Variants in MTAP observed in about 807,000 individuals in gnomAD.
MTAP encodes the protein methylthioadenosine phosphorylase.
In MTAP, 33 loss-of-function variants were observed where a neutral mutation model predicts 33.6. The observed-to-expected ratio is 0.98, with a 90% confidence interval of 0.74 to 1.31. MTAP has a LOEUF of 1.31. Among genes scored for constraint, MTAP ranks in the 40% most tolerant of loss-of-function variants. The probability of loss-of-function intolerance (pLI) is 0.00; values close to 1 mark genes in which losing one functional copy is unlikely to be tolerated. For synonymous variants in MTAP, 148 were observed against 125.7 expected (o/e 1.18, Z -1.19); for missense variants, 367 against 360.0 (o/e 1.02, Z -0.16).
chr9:21,930,046 A>G (rs1818931836), intron 1 of MTAP: 2 of 419,976 alleles, frequency 4.8e-6, no homozygotes, highest in South Asian at 2.0e-5. Context: ...AGCAATGCCC[A>G]AGCTCATGCA....
intron 1 of MTAP, among the ~76,000 whole-genome samples, chr9:21,891,541 T>C (rs1040531936): frequency 1.3e-5 from 2 of 152,040 alleles, no homozygotes; most frequent in African/African-American, 2.4e-5. Context: ...GGAAATAAAC[T>C]CAGAGCTTGA....
intron 1 of MTAP, chr9:21,814,001 A>G (rs1262274342): frequency 5.3e-5 from 8 of 152,250 alleles, no homozygotes; most frequent in Non-Finnish European, 1.2e-4. Flanking sequence ...TCGTTGACAT[A>G]AAAGTATGTT....
At chr9:21,929,755 A>C in intron 1 of MTAP, 1 of 218,510 alleles carries the variant, frequency 4.6e-6, no homozygotes, top group Non-Finnish European at 9.5e-6. Flanking sequence ...AGCAGTATTT[A>C]CTTGACATCC....
intron 7 of MTAP, chr9:21,861,315 A>G (rs940436440): frequency 1.3e-5 from 2 of 152,112 alleles, no homozygotes; most frequent in Middle Eastern, 3.2e-3. Flanking sequence ...AGGATTTTAT[A>G]TATATGTGTA....
chr9:21,817,029 C>T (rs1824492621), intron 3 of MTAP, among the ~76,000 whole-genome samples: 1 of 152,164 alleles, frequency 6.6e-6, no homozygotes, highest in South Asian at 2.1e-4. Context: ...TTAGTTCTAA[C>T]TGCAAGAAGA....
In MTAP at chr9:21,831,874, A is replaced by G. The variant is rs115152406; in HGVS notation, c.348-6034A>G. ...TGATTCCCGGTGCTAAACAGTTTCT[A>G]TAAAATGTGGCTAATAACATATTGG... On this transcript the variant is annotated intron_variant, in intron 4 of 7. Coordinates refer to ENST00000644715, the MANE Select transcript of MTAP (RefSeq NM_002451.4). Among the ~76,000 whole-genome samples, 447 of 152,186 alleles carry G rather than the reference A, an allele frequency of 2.9e-3. 2 individuals are homozygous for G. Among genetic ancestry groups the G allele is most frequent in the African/African-American group, 0.01 (429 of 41,508 alleles).
intron 1 of MTAP, among the ~76,000 whole-genome samples, chr9:21,903,897 A>G (rs908131931): frequency 3.9e-4 from 59 of 152,270 alleles, no homozygotes; most frequent in African/African-American, 1.4e-3. Flanking sequence ...GTGTTAGCTC[A>G]AGTAGACCCC....
At position 21,922,338 on chromosome 9, in the gene MTAP, G is replaced by T; in HGVS notation, c.148-8670G>T. Among the ~76,000 whole-genome samples the T allele has an allele frequency of 6.6e-6, 1 of 152,042 alleles. No homozygotes were observed. The highest frequency in any genetic ancestry group is 1.5e-5 in the Non-Finnish European group (1 of 67,972). On this transcript the variant is annotated intron_variant, in intron 1 of 1. Coordinates refer to the MTAP transcript ENST00000577563. This position sits in a 1 kb window ranked among gnomAD's most constrained non-coding sequence, Gnocchi z 4.8. ...AGTGGAGAGACACAAAACTCCAGAA[G>T]CATGCCAACATATAAAACCCCAAGT...
chr9:21,818,531 T>C (rs1418546003), intron 4 of MTAP, among the ~76,000 whole-genome samples: 6 of 151,944 alleles, frequency 3.9e-5, no homozygotes, highest in Admixed American at 2.6e-4. Flanking sequence ...TTTCGTCATA[T>C]TGGTCAGGCT....
At chr9:21,889,958 A>G (rs1244926412) in intron 1 of MTAP, among the ~76,000 whole-genome samples, 1 of 152,158 alleles carries the variant, frequency 6.6e-6, no homozygotes, top group East Asian at 1.9e-4. Flanking sequence ...AAAATTGCCC[A>G]TGTAACTATT....
rs573411148 is a variant in MTAP at position 21,894,559 on chromosome 9, G to T, written c.148-36449G>T. Among the ~76,000 whole-genome samples the T allele has an allele frequency of 2.3e-4, 32 of 138,470 alleles. No individual in the cohort carries two copies. The Middle Eastern group carries it at 0.015, about 63-fold the overall frequency. 90.8% of individuals were successfully genotyped at this position (138,470 alleles called of 152,430 possible). A position where few individuals can be genotyped will look rare whatever the true frequency, so the allele number is the denominator to read the frequency against. ...GGGAATTGAACAATGAGAACACTTG[G>T]ACACAGGAAGGGGAACATCACACAC... On this transcript the variant is annotated intron_variant, in intron 1 of 1. Transcript: ENST00000577563.
In MTAP at chr9:21,864,207, T is replaced by TA. The variant is rs1255895276; in HGVS notation, c.*2196dup. ...CTAGCAACATCATTTTCAGACTAAC[T>TA]AAATGAATGCAGTATACTCTTTTCT... is the stretch of plus-strand genomic sequence containing the variant. On this transcript the variant is annotated 3_prime_UTR_variant, in exon 8 of 8. Transcript: ENST00000644715. The TA allele has an allele frequency of 3.0e-6, 3 of 985,278 alleles. No homozygotes were observed. The highest frequency in any genetic ancestry group is 2.4e-6 in the Non-Finnish European group (2 of 829,902). The allele number at this position is 985,278 out of a possible 1,614,324, so 61.0% of individuals were successfully genotyped here. A position where few individuals can be genotyped will look rare whatever the true frequency, so the allele number is the denominator to read the frequency against.
intron 4 of MTAP, among the ~76,000 whole-genome samples, chr9:21,828,123 C>A (rs1824869440): frequency 6.6e-6 from 1 of 152,240 alleles, no homozygotes; most frequent in Non-Finnish European, 1.5e-5. Flanking sequence ...GTATTGCCAT[C>A]AGATCTGGTT....
chr9:21,891,805 T>C lies in MTAP; in HGVS notation c.147+36935T>C, dbSNP rs560859778. Among the ~76,000 whole-genome samples, 16 of 151,858 alleles carry C rather than the reference T, an allele frequency of 1.1e-4. No individual in the cohort carries two copies. The South Asian group carries it at 3.3e-3, about 32-fold the overall frequency. On this transcript the variant is annotated intron_variant, in intron 1 of 1. Transcript: ENST00000577563. ...TGTAAGATACTATACAAAATGACCA[T>C]CCCCAAGACACATAGTTATCAGATT...
intron 4 of MTAP, among the ~76,000 whole-genome samples, chr9:21,825,013 G>T (rs1824751974): frequency 6.6e-6 from 1 of 152,076 alleles, no homozygotes; most frequent in African/African-American, 2.4e-5. Context: ...CCTTCCCTTT[G>T]CTAGGAAAGG....
chr9:21,902,946 G>C, intron 1 of MTAP, among the ~76,000 whole-genome samples: 1 of 152,152 alleles, frequency 6.6e-6, no homozygotes, highest in East Asian at 1.9e-4. Flanking sequence ...AATAAAAACT[G>C]AAATTCCCAC....
At position 21,864,899 on chromosome 9, in the gene MTAP, T is replaced by G. The variant is rs1010056892; in HGVS notation, c.*2885T>G. Reference sequence around the variant, plus strand: ...GTTGTGGCCCCACCAACACCTATTTTCCAAATAATTATTCATTCTTGTGAC... The same window carrying G: ...GTTGTGGCCCCACCAACACCTATTTGCCAAATAATTATTCATTCTTGTGAC... On this transcript the variant is annotated 3_prime_UTR_variant, in exon 8 of 8. Transcript: ENST00000644715. 2 of 985,360 alleles carry G rather than the reference T, an allele frequency of 2.0e-6. No homozygotes were observed. Among genetic ancestry groups the G allele is most frequent in the African/African-American group, 3.5e-5 (2 of 57,266 alleles). The allele number at this position is 985,360 out of a possible 1,614,324, so 61.0% of individuals were successfully genotyped here.
chr9:21,934,952 GC>G (rs967016322), downstream of MTAP: 1 of 152,104 alleles, frequency 6.6e-6, no homozygotes, highest in African/African-American at 2.4e-5. The surrounding 1 kb of genome is among the most constrained non-coding windows in gnomAD (Gnocchi z 5.0). Context: ...GCTCGCCTCG[GC>G]CTCCCAAAGT....
intron 1 of MTAP, among the ~76,000 whole-genome samples, chr9:21,892,017 C>A (rs960420805): frequency 3.3e-5 from 5 of 152,150 alleles, no homozygotes; most frequent in African/African-American, 9.7e-5. Context: ...TTTTATCCAG[C>A]CAAACTAAGC....
Sources: allele counts gnomAD v4.1 joint callset (sites outside exome capture counted in the v4.1 genomes callset), GRCh38; gene constraint gnomAD v4.1.1; non-coding constraint Gnocchi (gnomAD v3.1); transcripts MANE v1.5; gene names NCBI Gene and HGNC (gene_info 2026-07-23, HGNC 2026-07-21).